TNPO3: variants seen among roughly 807,000 people sequenced by gnomAD.
TNPO3 encodes the protein transportin 3, also known as transportin-3.
A neutral mutation model predicts 122.8 loss-of-function variants in TNPO3; 65 were observed. The observed-to-expected ratio is 0.53, with a 90% CI of 0.43 to 0.65. The LOEUF (loss-of-function observed/expected upper bound fraction) is 0.65, where lower values mean the gene tolerates loss of function less well. TNPO3 is among the 30% of genes least tolerant of loss of function. TNPO3 has a pLI of 0.00. For synonymous variants in TNPO3, 372 were observed against 411.2 expected (o/e 0.90, Z 1.15); for missense variants, 850 against 1,136.7 (o/e 0.75, Z 3.63).
intron 1 of TNPO3, among the ~76,000 whole-genome samples, chr7:129,021,217 T>A (rs544333166): frequency 3.9e-5 from 6 of 152,136 alleles, no homozygotes; most frequent in Non-Finnish European, 8.8e-5. Context: ...TAGCTGGGCA[T>A]GTTGGCGGGT....
rs1798586649 is a variant in TNPO3 at position 128,972,447 on chromosome 7, A to C, written c.2409T>G (p.Ile803Met). 3.1e-6 allele frequency: 5 copies of C among 1,613,812 alleles called. No homozygotes were observed. Among genetic ancestry groups the C allele is most frequent in the Non-Finnish European group, 4.2e-6 (5 of 1,179,880 alleles). Residue 803 changes from isoleucine to methionine, a missense_variant, in exon 19 of 23, where the codon ATT (isoleucine) becomes ATG (methionine). Physicochemically the swap from Ile to Met is conservative, Grantham distance 10. Coordinates refer to ENST00000265388, the MANE Select transcript of TNPO3 (RefSeq NM_012470.4). ...TTACATCATTGGCTACCCCTGTATG[A>C]ATGAGGTCTCGTAGAAACCTCATGA... ...CSVMRFLRDLIHTGVANDHEE... is the reference protein window; with the variant it reads ...CSVMRFLRDLMHTGVANDHEE...
chr7:129,044,034 A>C (rs1473380197), intron 1 of TNPO3, among the ~76,000 whole-genome samples: 1 of 152,246 alleles, frequency 6.6e-6, no homozygotes, highest in African/African-American at 2.4e-5. Flanking sequence ...TTAAGACTCA[A>C]ATTTTTCAAA....
intron 1 of TNPO3, chr7:129,041,581 G>A: frequency 1.0e-6 from 1 of 985,456 alleles, no homozygotes; most frequent in African/African-American, 1.7e-5. Flanking sequence ...TCTAGCCACA[G>A]ATGCCAGGTG....
chr7:128,999,177 T>C (rs1801660858), intron 7 of TNPO3, among the ~76,000 whole-genome samples: 1 of 152,198 alleles, frequency 6.6e-6, no homozygotes, highest in African/African-American at 2.4e-5. Context: ...TTTCTGAAAA[T>C]TCTGAAATCA....
intron 13 of TNPO3, among the ~76,000 whole-genome samples, chr7:128,983,645 C>T (rs1402447462): frequency 2.6e-5 from 4 of 152,212 alleles, no homozygotes; most frequent in Non-Finnish European, 2.9e-5. Flanking sequence ...TTAAACATTC[C>T]TTTCTGCTAG....
chr7:129,034,666 G>C (rs1806367110), intron 1 of TNPO3, among the ~76,000 whole-genome samples: 1 of 151,424 alleles, frequency 6.6e-6, no homozygotes, highest in Admixed American at 6.6e-5. Flanking sequence ...GAGGCGGGCG[G>C]ATCACGAGGT....
chr7:129,020,783 C>A (rs1413116383), intron 1 of TNPO3, among the ~76,000 whole-genome samples: 1 of 152,106 alleles, frequency 6.6e-6, no homozygotes, highest in Non-Finnish European at 1.5e-5. Context: ...AAGCTTTATA[C>A]AATCTCCACA....
intron 21 of TNPO3, among the ~76,000 whole-genome samples, chr7:128,961,243 T>C (rs1224497338): frequency 6.6e-6 from 1 of 152,186 alleles, no homozygotes; most frequent in Non-Finnish European, 1.5e-5. Context: ...TCATGGTAAG[T>C]GCCCTCATAC....
chr7:128,955,253 G>A lies in TNPO3; in HGVS notation c.*164C>T. 6.6e-6 allele frequency: 3 copies of A among 452,266 alleles called. No homozygotes were observed. The highest frequency in any genetic ancestry group is 3.1e-5 in the South Asian group (2 of 64,236). The allele number at this position is 452,266 out of a possible 1,614,324, so 28.0% of individuals were successfully genotyped here. A position where few individuals can be genotyped will look rare whatever the true frequency, so the allele number is the denominator to read the frequency against. ...GGAACTCCTCAGGATGGCCTCAGAA[G>A]GCTGGAGTCTCTCCCTGTCTGGCGG... On this transcript the variant is annotated 3_prime_UTR_variant, in exon 23 of 23. Transcript: ENST00000265388.
At chr7:129,010,301 G>A (rs1460039559) in intron 4 of TNPO3, among the ~76,000 whole-genome samples, 1 of 152,120 alleles carries the variant, frequency 6.6e-6, no homozygotes, top group Non-Finnish European at 1.5e-5. Context: ...TTGAGTAGCT[G>A]GGACTACAGG....
At chr7:129,045,606 T>C (rs1402982089) in intron 1 of TNPO3, among the ~76,000 whole-genome samples, 1 of 150,960 alleles carries the variant, frequency 6.6e-6, no homozygotes. Context: ...ATCAGTGCAA[T>C]CAATCACTGT....
chr7:129,044,382 A>G (rs370956068), intron 1 of TNPO3, among the ~76,000 whole-genome samples: 1 of 152,354 alleles, frequency 6.6e-6, no homozygotes. Context: ...ATGAACACAA[A>G]ATAGAAAAAA....
chr7:129,022,046 A>T (rs1219656895), intron 1 of TNPO3, among the ~76,000 whole-genome samples: 1 of 152,180 alleles, frequency 6.6e-6, no homozygotes, highest in Non-Finnish European at 1.5e-5. Context: ...TGAAGAAGAA[A>T]ATCAAAACAA....
intron 1 of TNPO3, among the ~76,000 whole-genome samples, chr7:129,053,837 C>T (rs1675809023): frequency 6.6e-6 from 1 of 152,096 alleles, no homozygotes; most frequent in Non-Finnish European, 1.5e-5. Flanking sequence ...AGAAATGAAG[C>T]ACAGCAAAGG....
intron 4 of TNPO3, among the ~76,000 whole-genome samples, chr7:129,010,309 A>G (rs1005323696): frequency 3.9e-5 from 6 of 152,150 alleles, no homozygotes; most frequent in African/African-American, 1.2e-4. Flanking sequence ...CTGGGACTAC[A>G]GGTGCATGCC....
intron 22 of TNPO3, among the ~76,000 whole-genome samples, chr7:128,956,419 T>G (rs1362225684): frequency 2.0e-5 from 3 of 152,176 alleles, no homozygotes; most frequent in African/African-American, 7.2e-5. Flanking sequence ...CAGCTAAGCT[T>G]CTTGCTTTGC....
intron 1 of TNPO3, among the ~76,000 whole-genome samples, chr7:129,022,652 A>G (rs187540670): frequency 2.1e-4 from 32 of 152,234 alleles, no homozygotes; most frequent in Admixed American, 2.0e-3. Context: ...ATATAAAAAG[A>G]GCAACTGATT....
intron 13 of TNPO3, 50 bp from the exon 14 acceptor site, chr7:128,982,374 A>G: frequency 6.7e-7 from 1 of 1,486,866 alleles, no homozygotes; most frequent in Non-Finnish European, 9.4e-7. Flanking sequence ...GTACAAATCT[A>G]CAGCCAACAC....
At chr7:128,963,284 T>C (rs1011865365) in intron 21 of TNPO3, among the ~76,000 whole-genome samples, 1 of 152,128 alleles carries the variant, frequency 6.6e-6, no homozygotes, top group Non-Finnish European at 1.5e-5. Context: ...CCAAACCCCA[T>C]CTTTGGAGGG....
Sources: gnomAD v4.1 joint callset for allele counts (sites outside exome capture counted in the v4.1 genomes callset) on GRCh38, gnomAD v4.1.1 for gene constraint, MANE v1.5 for transcripts, NCBI Gene and HGNC (gene_info 2026-07-23, HGNC 2026-07-21) for gene names.